Variants in WDR27 observed in about 807,000 individuals in gnomAD.
WDR27 encodes WD repeat domain 27, also known as WD repeat-containing protein 27.
Under a neutral mutation model 114.4 loss-of-function variants are expected in WDR27, and 100 were observed. That is an observed-to-expected ratio of 0.87 (90% confidence interval 0.74 to 1.03). WDR27 has a LOEUF of 1.03. Among genes scored for constraint, WDR27 ranks in the 50% least tolerant of loss-of-function variants. The pLI is 0.00. For missense variants in WDR27, 1,129 were observed against 1,092.9 expected (o/e 1.03, Z -0.47); for synonymous variants, 449 against 423.1 (o/e 1.06, Z -0.75).
chr6:169,454,000 T>C (rs1313373488), downstream of WDR27, among the ~76,000 whole-genome samples: 1 of 152,194 alleles, frequency 6.6e-6, no homozygotes, highest in Non-Finnish European at 1.5e-5. Context: ...TGCAGTGTGT[T>C]CTGAGAGTAT....
intron 25 of WDR27, among the ~76,000 whole-genome samples, chr6:169,496,441 T>C (rs1369450283): frequency 1.3e-5 from 2 of 152,132 alleles, no homozygotes; most frequent in Non-Finnish European, 2.9e-5. Flanking sequence ...CTAAAAGTTC[T>C]AGCCAGAAAT....
intron 1 of WDR27, among the ~76,000 whole-genome samples, chr6:169,699,855 G>A (rs182890088): frequency 2.2e-3 from 335 of 152,218 alleles, no homozygotes; most frequent in African/African-American, 7.5e-3. Context: ...GGCAGTGCAT[G>A]CTTGTAGCCC....
intron 23 of WDR27, among the ~76,000 whole-genome samples, chr6:169,585,761 G>A (rs1328098368): frequency 6.6e-6 from 1 of 152,132 alleles, no homozygotes; most frequent in Non-Finnish European, 1.5e-5. Flanking sequence ...ATGTTGAGTG[G>A]GCTGGGGAGG....
intron 24 of WDR27, among the ~76,000 whole-genome samples, chr6:169,576,979 T>C (rs9383498): frequency 0.45 from 67,528 of 151,264 alleles, 17,625 homozygotes; most frequent in East Asian, 0.97. Flanking sequence ...AGTTAAGTAA[T>C]TATACATTCG....
chr6:169,550,486 C>T (rs1475045663), intron 25 of WDR27, among the ~76,000 whole-genome samples: 1 of 152,092 alleles, frequency 6.6e-6, no homozygotes, highest in Admixed American at 6.5e-5. Context: ...GTGGCACAAT[C>T]TCGGCTCATT....
intron 25 of WDR27, among the ~76,000 whole-genome samples, chr6:169,536,637 T>G (rs1482428977): frequency 6.6e-6 from 1 of 152,190 alleles, no homozygotes; most frequent in Non-Finnish European, 1.5e-5. Flanking sequence ...CAAATGCTCT[T>G]TAAGCCAAGA....
chr6:169,457,214 C>T lies in WDR27; in HGVS notation c.*378G>A. On this transcript the variant is annotated 3_prime_UTR_variant, in exon 26 of 26. Coordinates refer to ENST00000448612, the MANE Select transcript of WDR27 (RefSeq NM_182552.5). ...ATCAGAAGACCAGAGCCAGTTAGGA[C>T]TGTTAACTGCTTTATTTTCACTGCC... The T allele has an allele frequency of 5.3e-6, 1 of 189,108 alleles. No homozygotes were observed. Among genetic ancestry groups the T allele is most frequent in the Non-Finnish European group, 1.1e-5 (1 of 90,790 alleles). 11.7% of individuals were successfully genotyped at this position (189,108 alleles called of 1,614,324 possible).
chr6:169,438,649 TCGC>T, the WDR27 span, among the ~76,000 whole-genome samples: 3 of 152,218 alleles, frequency 2.0e-5, no homozygotes, highest in African/African-American at 4.8e-5. Flanking sequence ...ACACATACTC[TCGC>T]AGTATCTAAT....
intron 21 of WDR27, among the ~76,000 whole-genome samples, chr6:169,624,181 C>T (rs910015043): frequency 2.7e-5 from 4 of 149,210 alleles, no homozygotes; most frequent in Non-Finnish European, 4.4e-5. Flanking sequence ...AGGTGTGCAG[C>T]GTGTGGCATC....
At chr6:169,668,256 A>T (rs1828441483) in intron 4 of WDR27, 71 bp from the exon 5 acceptor site, 1 of 1,514,750 alleles carries the variant, frequency 6.6e-7, no homozygotes, top group Non-Finnish European at 9.1e-7. Flanking sequence ...AAGGGTGAAA[A>T]GTCAGGTGTC....
intron 25 of WDR27, among the ~76,000 whole-genome samples, chr6:169,496,202 G>A (rs1009287207): frequency 6.6e-6 from 1 of 151,918 alleles, no homozygotes; most frequent in African/African-American, 2.4e-5. Context: ...AAAAACACAC[G>A]ATTATCTCAA....
intron 25 of WDR27, among the ~76,000 whole-genome samples, chr6:169,496,645 C>T (rs1175066083): frequency 6.6e-6 from 1 of 152,030 alleles, no homozygotes; most frequent in Non-Finnish European, 1.5e-5. Flanking sequence ...AATATACCAA[C>T]CATCACCACT....
the WDR27 span, among the ~76,000 whole-genome samples, chr6:169,448,392 ATGTGTGTG>A: frequency 4.5e-5 from 6 of 132,044 alleles, no homozygotes; most frequent in East Asian, 4.3e-4. Context: ...CTCTGTCTCT[ATGTGTGTG>A]TGTGTGTGTG....
chr6:169,529,699 T>C (rs1795362902), intron 25 of WDR27, among the ~76,000 whole-genome samples: 1 of 152,220 alleles, frequency 6.6e-6, no homozygotes, highest in East Asian at 1.9e-4. Context: ...CCATTTAAAA[T>C]ATCTATTAGA....
intron 21 of WDR27, among the ~76,000 whole-genome samples, chr6:169,628,102 G>A (rs1209338250): frequency 6.6e-6 from 1 of 152,072 alleles, no homozygotes; most frequent in Non-Finnish European, 1.5e-5. Context: ...CTTGAGAAGT[G>A]ATTAGGTCAT....
At chr6:169,457,666 C>T (rs41265369) in intron 25 of WDR27, 32 bp from the exon 26 acceptor site, 36,084 of 1,519,648 alleles carry the variant, frequency 0.024, 617 homozygotes, top group East Asian at 0.077. Flanking sequence ...CATGTAATTC[C>T]AATCGCCTTT....
intron 13 of WDR27, among the ~76,000 whole-genome samples, chr6:169,656,081 T>C (rs1299190376): frequency 6.6e-6 from 1 of 152,062 alleles, no homozygotes; most frequent in Non-Finnish European, 1.5e-5. Flanking sequence ...GGCAGCCCCC[T>C]ACCCTCAGTC....
the WDR27 span, among the ~76,000 whole-genome samples, chr6:169,428,229 G>A: frequency 6.6e-6 from 1 of 152,146 alleles, no homozygotes. Flanking sequence ...AGAAGACTGG[G>A]CCGTCTCTCT....
Position 169,659,210 on chromosome 6 carries a change from G to A in WDR27, c.1198-3C>T, listed in dbSNP as rs376302950. On this transcript the variant is annotated splice_region_variant and splice_polypyrimidine_tract_variant and intron_variant, in intron 11 of 25. Coordinates refer to ENST00000448612, the MANE Select transcript of WDR27 (RefSeq NM_182552.5). The surrounding 1 kb of genome is among the most constrained non-coding windows in gnomAD (Gnocchi z 4.3). ...AGGGAGGCCAGCAAGCACAGCACCT[G>A]CAGGGACGCGGTTTCAACATCGTTA... 8 of 1,590,920 alleles carry A rather than the reference G, an allele frequency of 5.0e-6. No homozygotes were observed. The Admixed American group carries it at 1.1e-4, about 22-fold the overall frequency.
Sources: allele counts gnomAD v4.1 joint callset (sites outside exome capture counted in the v4.1 genomes callset), GRCh38; gene constraint gnomAD v4.1.1; non-coding constraint Gnocchi (gnomAD v3.1); transcripts MANE v1.5; gene names NCBI Gene and HGNC (gene_info 2026-07-23, HGNC 2026-07-21).